Variants in SRSF11 observed in about 807,000 individuals in gnomAD.
SRSF11 encodes the protein serine and arginine rich splicing factor 11.
In SRSF11, 9 loss-of-function variants were observed where a neutral mutation model predicts 56.0. That is an observed-to-expected ratio of 0.16 (90% CI 0.10 to 0.28). SRSF11 has a LOEUF of 0.28. Among genes scored for constraint, SRSF11 ranks in the 10% least tolerant of loss-of-function variants. The probability of loss-of-function intolerance (pLI) is 1.00; values close to 1 mark genes in which losing one functional copy is unlikely to be tolerated. For missense variants in SRSF11, 421 were observed against 600.7 expected (o/e 0.70, Z 3.13); for synonymous variants, 222 against 215.3 (o/e 1.03, Z -0.27).
intron 1 of SRSF11, among the ~76,000 whole-genome samples, chr1:70,227,347 G>A (rs1672008573): frequency 6.6e-6 from 1 of 151,784 alleles, no homozygotes; most frequent in African/African-American, 2.4e-5. Context: ...TATGATGTAA[G>A]TGTTATATTG....
chr1:70,232,302 G>T lies in SRSF11; in HGVS notation c.372G>T (p.Leu124=), dbSNP rs1672985650. The stretch of plus-strand genomic sequence containing the variant: ...CTGATGAAGCTAAAGCTTTGTCTCT[G>T]TTGGCACCAGCTAATGCAGTGGCAG... ...VIPDEAKALS[L]LAPANAVAGL... Residue 124 remains leucine (L), a synonymous_variant, in exon 3 of 12, where the codon CTG becomes CTT. Transcript: ENST00000370949. The T allele has an allele frequency of 1.9e-6, 3 of 1,614,172 alleles. No individual in the cohort carries two copies. Among genetic ancestry groups the T allele is most frequent in the South Asian group, 1.1e-5 (1 of 91,080 alleles).
chr1:70,236,010 A>G (rs1317508559), intron 5 of SRSF11, among the ~76,000 whole-genome samples: 1 of 152,184 alleles, frequency 6.6e-6, no homozygotes, highest in Non-Finnish European at 1.5e-5. Flanking sequence ...CAGATTCATC[A>G]GTTTTTTTCA....
At chr1:70,242,472 C>CTTT (rs377434872) in intron 7 of SRSF11, among the ~76,000 whole-genome samples, 2 of 139,392 alleles carry the variant, frequency 1.4e-5, no homozygotes, top group East Asian at 2.3e-4. Context: ...ATTTTTGCAC[C>CTTT]TTTTTTTTTT....
rs1202768468 is a variant in SRSF11 at position 70,221,594 on chromosome 1, G to A, written c.-43G>A. The A allele has an allele frequency of 6.3e-7, 1 of 1,578,366 alleles. No individual in the cohort carries two copies. Among genetic ancestry groups the A allele is most frequent in the Non-Finnish European group, 8.6e-7 (1 of 1,162,604 alleles). On this transcript the variant is annotated 5_prime_UTR_variant, in exon 1 of 12. The change creates a new upstream start codon in the 5' untranslated region. Transcript: ENST00000370949. ...CCCCCTCCTTCTCACTGTTTGTTGT[G>A]TGTTTGATGTGTTAAAGCAGGAGCG...
chr1:70,250,547 G>C (rs2101041948), intron 11 of SRSF11, 44 bp downstream of exon 11: 1 of 1,608,478 alleles, frequency 6.2e-7, no homozygotes, highest in Non-Finnish European at 8.5e-7. Flanking sequence ...GGGTGATGTT[G>C]GTACTTTCAG....
upstream of SRSF11, chr1:70,221,338 C>T (rs576115552): frequency 5.1e-4 from 197 of 386,214 alleles, no homozygotes; most frequent in Non-Finnish European, 7.9e-4. Flanking sequence ...CCGACGCTGA[C>T]GCGCCCTGCG....
Position 70,228,572 on chromosome 1 carries a change from A to G in SRSF11, c.337+17A>G, listed in dbSNP as rs112010790. 2.5e-6 allele frequency: 4 copies of G among 1,609,572 alleles called. No homozygotes were observed. The African/African-American group carries it at 4.0e-5, about 16-fold the overall frequency. ...ATGCAGAAGGTTTGTGCTTTGTTTA[A>G]CTACCTATGTGGGCATCCTAAGATG... On this transcript the variant is annotated intron_variant, in intron 2 of 11. Transcript: ENST00000370949.
At chr1:70,236,792 ATTTTTTTTT>A (rs35602423) in intron 5 of SRSF11, among the ~76,000 whole-genome samples, 13 of 83,736 alleles carry the variant, frequency 1.6e-4, no homozygotes, top group Admixed American at 1.0e-3. Context: ...TATGTCATAA[ATTTTTTTTT>A]TTTTTTTTTT....
chr1:70,239,454 AAAG>A lies in SRSF11; in HGVS notation c.738_740del (p.Arg247del). 1 of 1,606,846 alleles carries A rather than the reference AAAG, an allele frequency of 6.2e-7. No homozygotes were observed. Among genetic ancestry groups the A allele is most frequent in the Non-Finnish European group, 8.5e-7 (1 of 1,177,536 alleles). On this transcript the variant is annotated inframe_deletion, in exon 7 of 12. Coordinates refer to ENST00000370949, the MANE Select transcript of SRSF11 (RefSeq NM_001350605.2). ...TTAAATATAGATAAGAAAGAAGAAA[AAAG>A]AAGGCATTCAAGATCAAGATCACGT...
intron 1 of SRSF11, among the ~76,000 whole-genome samples, chr1:70,226,961 C>G (rs934545394): frequency 6.6e-6 from 1 of 152,170 alleles, no homozygotes; most frequent in African/African-American, 2.4e-5. Context: ...AACAGTAAGC[C>G]TGTATAACAA....
intron 6 of SRSF11, among the ~76,000 whole-genome samples, chr1:70,237,831 A>G (rs796927181): frequency 5.8e-4 from 88 of 152,346 alleles, no homozygotes; most frequent in African/African-American, 2.0e-3. Context: ...CCAAAATGTC[A>G]GTAGGATTAT....
intron 8 of SRSF11, among the ~76,000 whole-genome samples, chr1:70,245,784 T>C (rs1676610444): frequency 6.6e-6 from 1 of 152,178 alleles, no homozygotes. Context: ...CGTGGAAGGC[T>C]TTGTTGTTCA....
rs140006011 is a variant in SRSF11, at chr1:70,234,714, G to C, written c.466G>C (p.Ala156Pro). The C allele has an allele frequency of 6.2e-7, 1 of 1,605,184 alleles. No individual in the cohort carries two copies. The highest frequency in any genetic ancestry group is 8.5e-7 in the Non-Finnish European group (1 of 1,176,672). The change falls in exon 4 of 12, where the codon GCT (alanine) becomes CCT (proline). Residue 156 changes from alanine (A) to proline (P), a missense_variant. Physicochemically the swap from Ala to Pro is conservative, Grantham distance 27. Coordinates refer to ENST00000370949, the MANE Select transcript of SRSF11 (RefSeq NM_001350605.2). ...PLTQIGAVPL[A>P]ALGAPTLDPA... Reference sequence around the variant, plus strand: ...TTCACAGATTGGCGCTGTTCCACTGGCTGCTTTGGGGGCTCCTACTCTTGA... The same window carrying C: ...TTCACAGATTGGCGCTGTTCCACTGCCTGCTTTGGGGGCTCCTACTCTTGA...
chr1:70,240,517 C>T (rs1571865900), intron 7 of SRSF11, among the ~76,000 whole-genome samples: 1 of 152,128 alleles, frequency 6.6e-6, no homozygotes, highest in East Asian at 1.9e-4. Flanking sequence ...TTATGGACCC[C>T]ATAAAAGGGT....
intron 6 of SRSF11, 95 bp downstream of exon 6, chr1:70,237,647 A>G (rs1021038236): frequency 3.3e-6 from 5 of 1,501,408 alleles, no homozygotes; most frequent in Non-Finnish European, 4.5e-6. Context: ...CTAGTCGTTT[A>G]AAATGTTGTA....
At chr1:70,234,659 A>G (rs754108124) in intron 3 of SRSF11, 37 bp from the exon 4 acceptor site, 2 of 1,539,932 alleles carry the variant, frequency 1.3e-6, no homozygotes, top group East Asian at 4.5e-5. Flanking sequence ...AGGAACTGAA[A>G]TGAAGTTTTA....
chr1:70,250,018 A>G lies in SRSF11; in HGVS notation c.1089A>G (p.Arg363=). The G allele has an allele frequency of 6.2e-7, 1 of 1,614,048 alleles. No individual in the cohort carries two copies. The highest frequency in any genetic ancestry group is 8.5e-7 in the Non-Finnish European group (1 of 1,179,950). Residue 363 remains arginine, a synonymous_variant, in exon 10 of 12, where the codon AGA becomes AGG. Coordinates refer to ENST00000370949, the MANE Select transcript of SRSF11 (RefSeq NM_001350605.2). ...RSPKKPRSPK[R]KLSRSPSPRR... ...CTAAAAAGCCTCGGTCTCCTAAAAG[A>G]AAATTGTCCCGCTCACCATCCCCTA...
chr1:70,234,905 T>C (rs1673617305), intron 4 of SRSF11, 117 bp downstream of exon 4: 1 of 747,210 alleles, frequency 1.3e-6, no homozygotes, highest in East Asian at 2.7e-5. Context: ...ATTTTTTTTC[T>C]TGTTTAAACT....
At chr1:70,246,563 A>T (rs545157691) in intron 8 of SRSF11, among the ~76,000 whole-genome samples, 1 of 152,172 alleles carries the variant, frequency 6.6e-6, no homozygotes, top group African/African-American at 2.4e-5. Flanking sequence ...TCAAGCCAAC[A>T]TCCTAGTTAT....
Sources: allele counts gnomAD v4.1 joint callset (sites outside exome capture counted in the v4.1 genomes callset), GRCh38; gene constraint gnomAD v4.1.1; transcripts MANE v1.5; gene names NCBI Gene and HGNC (gene_info 2026-07-23, HGNC 2026-07-21).